The following CACHD1 variants were observed in gnomAD, a reference collection of about 807,000 sequenced individuals.
CACHD1 encodes the protein VWFA and cache domain-containing protein 1.
A neutral mutation model predicts 138.7 loss-of-function variants in CACHD1; 71 were observed. That is an observed-to-expected ratio of 0.51 (90% confidence interval 0.42 to 0.62). CACHD1 has a LOEUF of 0.62. Among genes scored for constraint, CACHD1 ranks in the 20% least tolerant of loss-of-function variants. CACHD1 has a pLI of 0.00. For missense variants in CACHD1, 1,389 were observed against 1,625.3 expected (o/e 0.85, Z 2.50); for synonymous variants, 578 against 591.5 (o/e 0.98, Z 0.33).
chr1:64,662,721 G>A (rs1426318553), intron 13 of CACHD1, among the ~76,000 whole-genome samples: 2 of 152,176 alleles, frequency 1.3e-5, no homozygotes, highest in Non-Finnish European at 2.9e-5. Context: ...TCTGCACTGT[G>A]ATTCACTGTG....
chr1:64,524,551 C>G (rs1020601891), intron 1 of CACHD1, among the ~76,000 whole-genome samples: 1 of 152,178 alleles, frequency 6.6e-6, no homozygotes, highest in Non-Finnish European at 1.5e-5. Flanking sequence ...TAGCACTTAA[C>G]TGTATAAAAA....
chr1:64,474,875 C>T (rs1397694310), intron 1 of CACHD1, among the ~76,000 whole-genome samples: 2 of 152,246 alleles, frequency 1.3e-5, no homozygotes, highest in Non-Finnish European at 2.9e-5. Flanking sequence ...TTACTATGAA[C>T]TTGGCAGACA....
At chr1:64,486,587 A>G (rs535377812) in intron 1 of CACHD1, among the ~76,000 whole-genome samples, 1 of 152,236 alleles carries the variant, frequency 6.6e-6, no homozygotes, top group Non-Finnish European at 1.5e-5. Context: ...CAGGGTGTAT[A>G]GAAATCTTCA....
chr1:64,659,991 C>T (rs1203786316), intron 13 of CACHD1, among the ~76,000 whole-genome samples: 1 of 152,154 alleles, frequency 6.6e-6, no homozygotes, highest in African/African-American at 2.4e-5. Context: ...TTCTGGGATA[C>T]CTCCCAGCAG....
intron 4 of CACHD1, among the ~76,000 whole-genome samples, chr1:64,622,334 G>A (rs141315478): frequency 2.6e-5 from 4 of 152,298 alleles, no homozygotes; most frequent in East Asian, 1.9e-4. Context: ...GTGTCTGTGC[G>A]ATTTTCCAGG....
Position 64,691,482 on chromosome 1 carries a change from G to A in CACHD1, c.3746G>A (p.Arg1249Gln), listed in dbSNP as rs769039189. 5.1e-5 allele frequency: 83 copies of A among 1,613,844 alleles called. 1 individual carries two copies. The highest frequency in any genetic ancestry group is 1.6e-4 in the South Asian group (15 of 91,086). Reference sequence around the variant, plus strand: ...CTAAGTCACAAGTTCCACCACTACCGGTCACACCACCCTACACTTCATCAT... The same window carrying A: ...CTAAGTCACAAGTTCCACCACTACCAGTCACACCACCCTACACTTCATCAT... ...ALLSHKFHHY[R>Q]SHHPTLHHSH... is the part of the protein sequence containing the mutation. The change falls in exon 27 of 27, where the codon CGG (arginine) becomes CAG (glutamine). Residue 1249 changes from arginine to glutamine, a missense_variant. Physicochemically the swap from Arg to Gln is conservative, Grantham distance 43 (BLOSUM62 1). Coordinates refer to ENST00000651257, the MANE Select transcript of CACHD1 (RefSeq NM_020925.4).
intron 25 of CACHD1, 121 bp downstream of exon 25, chr1:64,681,456 GT>G (rs1650172743): frequency 1.4e-5 from 8 of 564,054 alleles, no homozygotes; most frequent in Middle Eastern, 3.0e-4. Flanking sequence ...CGGTGGCTGG[GT>G]TTTTTTAGTT....
At chr1:64,685,943 C>A (rs904341326) in intron 26 of CACHD1, among the ~76,000 whole-genome samples, 7 of 152,092 alleles carry the variant, frequency 4.6e-5, no homozygotes, top group Non-Finnish European at 8.8e-5. Context: ...GACCTCCCTA[C>A]CTCTGTGCCC....
intron 1 of CACHD1, among the ~76,000 whole-genome samples, chr1:64,496,552 C>A (rs1214506037): frequency 1.3e-5 from 2 of 152,110 alleles, no homozygotes; most frequent in African/African-American, 2.4e-5. Context: ...CCAATGGCAT[C>A]CCACTTGAGG....
chr1:64,691,053 CTTGT>C (rs1214897811), intron 26 of CACHD1, among the ~76,000 whole-genome samples: 1 of 149,300 alleles, frequency 6.7e-6, no homozygotes, highest in Non-Finnish European at 1.5e-5. Context: ...GATAAGGGTT[CTTGT>C]TTATTTTTTT....
At chr1:64,537,536 G>A (rs1418745698) in intron 1 of CACHD1, among the ~76,000 whole-genome samples, 3 of 152,242 alleles carry the variant, frequency 2.0e-5, no homozygotes, top group East Asian at 1.9e-4. Flanking sequence ...TAAAGGCACC[G>A]GGAGCTACCA....
At chr1:64,541,085 G>T (rs1321576065) in intron 1 of CACHD1, among the ~76,000 whole-genome samples, 1 of 152,222 alleles carries the variant, frequency 6.6e-6, no homozygotes, top group African/African-American at 2.4e-5. Context: ...CTTGTTAATT[G>T]TTGAGAGAAG....
chr1:64,636,487 C>T (rs1026550823), intron 7 of CACHD1, among the ~76,000 whole-genome samples: 16 of 152,140 alleles, frequency 1.1e-4, no homozygotes, highest in African/African-American at 3.4e-4. Context: ...GTGGGACTAC[C>T]GTTCATTCAG....
At chr1:64,581,714 C>T (rs1647013941) in intron 2 of CACHD1, among the ~76,000 whole-genome samples, 1 of 152,124 alleles carries the variant, frequency 6.6e-6, no homozygotes, top group Non-Finnish European at 1.5e-5. Context: ...GTTTCCTTTC[C>T]TTCTGTTATT....
At chr1:64,551,952 G>A (rs1373131168) in intron 2 of CACHD1, among the ~76,000 whole-genome samples, 2 of 152,136 alleles carry the variant, frequency 1.3e-5, no homozygotes, top group African/African-American at 2.4e-5. Context: ...AAACTAGAAA[G>A]TTCTTTATGG....
At chr1:64,520,584 T>C (rs934441559) in intron 1 of CACHD1, among the ~76,000 whole-genome samples, 4 of 152,248 alleles carry the variant, frequency 2.6e-5, no homozygotes, top group Non-Finnish European at 5.9e-5. Flanking sequence ...TGAATTATTG[T>C]TAAGTTAATT....
chr1:64,581,390 A>G (rs1647011338), intron 2 of CACHD1, among the ~76,000 whole-genome samples: 1 of 152,202 alleles, frequency 6.6e-6, no homozygotes, highest in Admixed American at 6.5e-5. Flanking sequence ...TAAAGGGAAG[A>G]AAAAACAACA....
intron 1 of CACHD1, among the ~76,000 whole-genome samples, chr1:64,540,479 G>A (rs916133264): frequency 2.6e-5 from 4 of 151,992 alleles, no homozygotes; most frequent in Admixed American, 1.3e-4. Flanking sequence ...GGCTAACAGC[G>A]GACTCTTTCC....
chr1:64,529,605 G>A (rs965132440), intron 1 of CACHD1, among the ~76,000 whole-genome samples: 9 of 152,122 alleles, frequency 5.9e-5, no homozygotes, highest in African/African-American at 1.7e-4. Context: ...GTGTTACAGT[G>A]ATAAATGAAT....
Sources: allele counts gnomAD v4.1 joint callset (sites outside exome capture counted in the v4.1 genomes callset), GRCh38; gene constraint gnomAD v4.1.1; transcripts MANE v1.5; gene names NCBI Gene and HGNC (gene_info 2026-07-23, HGNC 2026-07-21).